OXR1: variants seen among roughly 807,000 people sequenced by gnomAD.
OXR1 encodes oxidation resistance protein 1.
Under a neutral mutation model 104.6 loss-of-function variants are expected in OXR1, and 41 were observed. The observed-to-expected ratio is 0.39, with a 90% CI of 0.31 to 0.51. The LOEUF is 0.51. OXR1 is among the 20% of genes least tolerant of loss of function. The pLI, the probability that OXR1 is intolerant of heterozygous loss-of-function variation, is 0.77. For missense variants in OXR1, 955 were observed against 1,031.9 expected (o/e 0.93, Z 1.02); for synonymous variants, 348 against 348.4 (o/e 1.00, Z 0.01).
At chr8:106,312,720 T>A (rs1813761486) in intron 1 of OXR1, among the ~76,000 whole-genome samples, 1 of 152,214 alleles carries the variant, frequency 6.6e-6, no homozygotes, top group Non-Finnish European at 1.5e-5. Flanking sequence ...AAATGTCAGT[T>A]TTTTGAAAGC....
At chr8:106,728,233 A>C (rs1587262154) in intron 11 of OXR1, among the ~76,000 whole-genome samples, 1 of 151,860 alleles carries the variant, frequency 6.6e-6, no homozygotes, top group African/African-American at 2.4e-5. Context: ...AAAAAAAAAA[A>C]AAAAAAAATT....
chr8:106,629,373 A>G (rs1428895029), intron 3 of OXR1, among the ~76,000 whole-genome samples: 1 of 152,112 alleles, frequency 6.6e-6, no homozygotes, highest in Non-Finnish European at 1.5e-5. Flanking sequence ...CAGGAGATCA[A>G]CTGATGAGCA....
intron 3 of OXR1, among the ~76,000 whole-genome samples, chr8:106,609,451 T>C (rs924685693): frequency 3.9e-5 from 6 of 152,156 alleles, no homozygotes; most frequent in Non-Finnish European, 7.3e-5. Context: ...GAAATGGTCT[T>C]CAGTAATATA....
intron 3 of OXR1, among the ~76,000 whole-genome samples, chr8:106,666,792 G>C (rs74517944): frequency 6.6e-6 from 1 of 152,102 alleles, no homozygotes; most frequent in Non-Finnish European, 1.5e-5. Context: ...ATCCAGGATC[G>C]GGGTGGGGGT....
chr8:106,285,964 C>T (rs550693772), intron 1 of OXR1, among the ~76,000 whole-genome samples: 1 of 151,648 alleles, frequency 6.6e-6, no homozygotes, highest in East Asian at 1.9e-4. Flanking sequence ...TGCCCTCGCC[C>T]CGTAACCACC....
intron 2 of OXR1, among the ~76,000 whole-genome samples, chr8:106,495,401 G>A (rs562218468): frequency 7.2e-5 from 11 of 152,268 alleles, no homozygotes; most frequent in Middle Eastern, 3.4e-3. Flanking sequence ...AGGGTATTCC[G>A]TGTAGATGGA....
intron 2 of OXR1, among the ~76,000 whole-genome samples, chr8:106,484,468 A>G (rs1822327276): frequency 6.6e-6 from 1 of 152,084 alleles, no homozygotes; most frequent in Admixed American, 6.6e-5. Context: ...CTTTTAAGAA[A>G]GCAAACAAAA....
intron 1 of OXR1, among the ~76,000 whole-genome samples, chr8:106,292,570 G>GCC (rs1235802848): frequency 6.6e-6 from 1 of 152,194 alleles, no homozygotes; most frequent in Non-Finnish European, 1.5e-5. Context: ...GTATCCATTG[G>GCC]TGGGTCTTGG....
At chr8:106,708,757 TC>T (rs1230053175) in intron 9 of OXR1, among the ~76,000 whole-genome samples, 5 of 152,176 alleles carry the variant, frequency 3.3e-5, no homozygotes, top group Non-Finnish European at 7.4e-5. Flanking sequence ...TCTGTTTGAA[TC>T]CCTCCTTTGA....
chr8:106,548,524 T>C (rs1331446093), intron 3 of OXR1, among the ~76,000 whole-genome samples: 2 of 152,190 alleles, frequency 1.3e-5, no homozygotes, highest in Non-Finnish European at 2.9e-5. Flanking sequence ...ACTATAAAAA[T>C]GTTATAATAT....
rs574940470 is a variant in OXR1, at chr8:106,296,736, G to A, written c.-139+26369G>A. On this transcript the variant is annotated intron_variant, in intron 1 of 16. Coordinates refer to ENST00000517566, the MANE Select transcript of OXR1 (RefSeq NM_001198533.2). ...CTCCTTGGACAAGCAGTGAATGTTTGTATGGTTCTTGAGCTTGTATCAAAG... is the reference window on the plus strand; with the variant it reads ...CTCCTTGGACAAGCAGTGAATGTTTATATGGTTCTTGAGCTTGTATCAAAG... Among the ~76,000 whole-genome samples the A allele has an allele frequency of 3.9e-5, 6 of 152,314 alleles. No individual in the cohort carries two copies. In the East Asian group the frequency reaches 1.2e-3, roughly 29 times the overall value.
chr8:106,693,966 G>A (rs927319521), intron 7 of OXR1, among the ~76,000 whole-genome samples: 1 of 151,892 alleles, frequency 6.6e-6, no homozygotes, highest in African/African-American at 2.4e-5. Context: ...TATGCATTTT[G>A]CCCTAAATAT....
chr8:106,337,156 C>T (rs2130249538), intron 1 of OXR1, among the ~76,000 whole-genome samples: 1 of 152,080 alleles, frequency 6.6e-6, no homozygotes, highest in African/African-American at 2.4e-5. Context: ...TTTAATTGTG[C>T]TTTTTAAGGC....
At chr8:106,300,962 G>A (rs1192646699) in intron 1 of OXR1, among the ~76,000 whole-genome samples, 2 of 152,126 alleles carry the variant, frequency 1.3e-5, no homozygotes, top group East Asian at 3.8e-4. Flanking sequence ...TGGATTAGAT[G>A]ATGGATAGTT....
In OXR1 at chr8:106,560,537, TAAGACCTGG is replaced by T. The variant is rs148513753; in HGVS notation, c.220+41402_220+41410del. 6.9e-3 allele frequency among the ~76,000 whole-genome samples: 1,045 copies of T among 152,288 alleles called. 7 individuals carry two copies. Among genetic ancestry groups the T allele is most frequent in the African/African-American group, 0.024 (1,002 of 41,552 alleles). ...GGTTCAGATTCTTCTGAAGCATCTG[TAAGACCTGG>T]AAGTCCCATCTGCTGAGCAGGGGTG... On this transcript the variant is annotated intron_variant, in intron 3 of 16. Coordinates refer to ENST00000517566, the MANE Select transcript of OXR1 (RefSeq NM_001198533.2).
At chr8:106,479,781 G>A (rs539028603) in intron 2 of OXR1, among the ~76,000 whole-genome samples, 14 of 151,936 alleles carry the variant, frequency 9.2e-5, no homozygotes, top group African/African-American at 3.1e-4. Flanking sequence ...TTATTCTTTG[G>A]CAGTTCATAG....
At chr8:106,651,767 T>C (rs1401525693) in intron 3 of OXR1, among the ~76,000 whole-genome samples, 1 of 152,142 alleles carries the variant, frequency 6.6e-6, no homozygotes, top group Non-Finnish European at 1.5e-5. Flanking sequence ...TCTATATGAA[T>C]TTGAGGATGG....
chr8:106,632,604 T>TA (rs1822781095), intron 3 of OXR1, among the ~76,000 whole-genome samples: 1 of 152,208 alleles, frequency 6.6e-6, no homozygotes, highest in Non-Finnish European at 1.5e-5. Flanking sequence ...ACACTTTATA[T>TA]ACCTCTTTTT....
chr8:106,358,381 T>C (rs1268558691), intron 1 of OXR1, among the ~76,000 whole-genome samples: 1 of 152,228 alleles, frequency 6.6e-6, no homozygotes, highest in African/African-American at 2.4e-5. Flanking sequence ...GGCACATCTT[T>C]GGAAATCCTT....
Sources: allele counts gnomAD v4.1 joint callset (sites outside exome capture counted in the v4.1 genomes callset), GRCh38; gene constraint gnomAD v4.1.1; transcripts MANE v1.5; gene names NCBI Gene and HGNC (gene_info 2026-07-23, HGNC 2026-07-21).